The following FHIT variants were observed in gnomAD, a reference collection of about 807,000 sequenced individuals.
FHIT encodes the protein bis(5'-adenosyl)-triphosphatase.
Under a neutral mutation model 17.9 loss-of-function variants are expected in FHIT, and 19 were observed. That is an observed-to-expected ratio of 1.06 (90% CI 0.74 to 1.56). The LOEUF (loss-of-function observed/expected upper bound fraction) is 1.56. Ranked by LOEUF, FHIT falls within the 40% of genes most tolerant of loss-of-function variation. FHIT has a pLI of 0.00. For missense variants in FHIT, 248 were observed against 189.2 expected (o/e 1.31, Z -1.82); for synonymous variants, 81 against 69.7 (o/e 1.16, Z -0.81).
chr3:59,981,523 A>T (rs994265201), intron 7 of FHIT, among the ~76,000 whole-genome samples: 2 of 152,148 alleles, frequency 1.3e-5, no homozygotes, highest in African/African-American at 4.8e-5. Flanking sequence ...TTTGTTCATT[A>T]CACACAGATT....
chr3:60,378,351 C>T (rs1700663288), intron 5 of FHIT, among the ~76,000 whole-genome samples: 1 of 152,188 alleles, frequency 6.6e-6, no homozygotes, highest in African/African-American at 2.4e-5. Context: ...ACAGAAAAGC[C>T]AACAATTGTA....
chr3:60,520,131 T>C (rs1334050234), intron 5 of FHIT, among the ~76,000 whole-genome samples: 2 of 152,230 alleles, frequency 1.3e-5, no homozygotes, highest in African/African-American at 4.8e-5. Context: ...TGCCTACGTT[T>C]CGATAAATTT....
At chr3:60,610,336 AATG>A (rs2038746996) in intron 4 of FHIT, among the ~76,000 whole-genome samples, 2 of 152,178 alleles carry the variant, frequency 1.3e-5, no homozygotes, top group Admixed American at 6.5e-5. Flanking sequence ...TCTATTAATT[AATG>A]ATATTAGGGT....
chr3:59,779,048 CTACTGATTACTTG>C (rs1437466473), intron 8 of FHIT, among the ~76,000 whole-genome samples: 7 of 152,164 alleles, frequency 4.6e-5, no homozygotes, highest in Non-Finnish European at 7.3e-5. Flanking sequence ...AGAATGGGCA[CTACTGATTACTTG>C]TACTGATTTA....
chr3:59,761,215 C>T (rs762504857), intron 8 of FHIT, among the ~76,000 whole-genome samples: 1 of 152,294 alleles, frequency 6.6e-6, no homozygotes. Context: ...AATTTGCACT[C>T]GCCCAGTAGT....
At chr3:61,145,954 T>A (rs1425006057) in intron 2 of FHIT, among the ~76,000 whole-genome samples, 1 of 152,040 alleles carries the variant, frequency 6.6e-6, no homozygotes, top group Non-Finnish European at 1.5e-5. Context: ...AATTATTTTG[T>A]CCCCATCATA....
At chr3:60,048,470 C>A (rs1327797333) in intron 5 of FHIT, among the ~76,000 whole-genome samples, 3 of 152,156 alleles carry the variant, frequency 2.0e-5, no homozygotes, top group Non-Finnish European at 4.4e-5. Flanking sequence ...GTCTCTACGA[C>A]CGGCCTTAAG....
chr3:59,939,392 A>G (rs1019120401), intron 7 of FHIT, among the ~76,000 whole-genome samples: 1 of 152,068 alleles, frequency 6.6e-6, no homozygotes, highest in Admixed American at 6.5e-5. Flanking sequence ...CTTAATAGCA[A>G]CTCCAATTTG....
intron 3 of FHIT, among the ~76,000 whole-genome samples, chr3:60,941,536 T>C (rs1277180286): frequency 6.6e-6 from 1 of 152,236 alleles, no homozygotes; most frequent in East Asian, 1.9e-4. Context: ...AAGCAATCAC[T>C]ATTCTGAATG....
chr3:59,886,678 T>C (rs1434298714), intron 8 of FHIT, among the ~76,000 whole-genome samples: 2 of 152,096 alleles, frequency 1.3e-5, no homozygotes, highest in African/African-American at 4.8e-5. Context: ...AGGTCATTAA[T>C]CTATTCATGA....
intron 4 of FHIT, among the ~76,000 whole-genome samples, chr3:60,565,909 T>C (rs1485866979): frequency 6.6e-6 from 1 of 152,184 alleles, no homozygotes; most frequent in African/African-American, 2.4e-5. Context: ...GTGCTATAAA[T>C]TTCCCTCTAC....
At chr3:60,360,976 T>C (rs1411257888) in intron 5 of FHIT, among the ~76,000 whole-genome samples, 1 of 152,212 alleles carries the variant, frequency 6.6e-6, no homozygotes, top group Non-Finnish European at 1.5e-5. Flanking sequence ...CCCATGTGAT[T>C]CCTACTTTTC....
chr3:60,584,717 G>A (rs2037852679), intron 4 of FHIT, among the ~76,000 whole-genome samples: 1 of 151,972 alleles, frequency 6.6e-6, no homozygotes, highest in Non-Finnish European at 1.5e-5. Context: ...GCACTGCATT[G>A]TACAACTGTG....
At chr3:61,009,863 C>T (rs932407663) in intron 3 of FHIT, among the ~76,000 whole-genome samples, 19 of 152,186 alleles carry the variant, frequency 1.2e-4, no homozygotes, top group Admixed American at 1.2e-3. Flanking sequence ...TTCATAGTTA[C>T]TGTGGTTACA....
intron 2 of FHIT, among the ~76,000 whole-genome samples, chr3:61,050,534 T>C (rs1336343367): frequency 6.6e-6 from 1 of 152,196 alleles, no homozygotes; most frequent in Non-Finnish European, 1.5e-5. Context: ...GCATGGAATT[T>C]AAATAAAGGA....
At chr3:60,583,707 C>T (rs1553660545) in intron 4 of FHIT, among the ~76,000 whole-genome samples, 1 of 152,034 alleles carries the variant, frequency 6.6e-6, no homozygotes, top group East Asian at 1.9e-4. Flanking sequence ...GGTAATTTGC[C>T]AATCCCCGTC....
intron 3 of FHIT, among the ~76,000 whole-genome samples, chr3:61,035,634 A>T (rs1486484927): frequency 1.3e-5 from 2 of 152,206 alleles, no homozygotes; most frequent in Non-Finnish European, 2.9e-5. Context: ...TATTTAAATT[A>T]GCTTGGCTTT....
chr3:60,009,567 T>G (rs746232398), intron 7 of FHIT, among the ~76,000 whole-genome samples: 2 of 152,126 alleles, frequency 1.3e-5, no homozygotes, highest in Non-Finnish European at 2.9e-5. Flanking sequence ...TTACACAATC[T>G]GTAGCCATAG....
chr3:60,567,774 G>A (rs74434165), intron 4 of FHIT, among the ~76,000 whole-genome samples: 7 of 145,752 alleles, frequency 4.8e-5, no homozygotes, highest in African/African-American at 1.5e-4. Context: ...AAAACAAACA[G>A]TCCCAGCAAA....
Sources: gnomAD v4.1 joint callset for allele counts (sites outside exome capture counted in the v4.1 genomes callset) on GRCh38, gnomAD v4.1.1 for gene constraint, MANE v1.5 for transcripts, NCBI Gene and HGNC (gene_info 2026-07-23, HGNC 2026-07-21) for gene names.